CDKAL1: variants seen among roughly 807,000 people sequenced by gnomAD.
The protein encoded by CDKAL1 is threonylcarbamoyladenosine tRNA methylthiotransferase.
Under a neutral mutation model 68.2 loss-of-function variants are expected in CDKAL1, and 32 were observed. The observed-to-expected ratio is 0.47, with a 90% CI of 0.35 to 0.63. CDKAL1 has a LOEUF of 0.63. Ranked by LOEUF, CDKAL1 falls within the 30% of genes least tolerant of loss-of-function variation. The pLI, the probability that CDKAL1 is intolerant of heterozygous loss-of-function variation, is 0.00. For synonymous variants in CDKAL1, 234 were observed against 244.3 expected, an observed-to-expected ratio of 0.96 and a Z score of 0.39; for missense variants, 606 against 696.7, an observed-to-expected ratio of 0.87 and a Z score of 1.47.
intron 1 of CDKAL1, chr6:20,534,942 T>C (rs1388586669): frequency 6.6e-6 from 1 of 152,236 alleles, no homozygotes; most frequent in Admixed American, 6.5e-5. Context: ...CAGAAGTTAT[T>C]GAGAAAAGCA....
chr6:20,787,969 A>T (rs1561778443), intron 8 of CDKAL1, among the ~76,000 whole-genome samples: 1 of 152,184 alleles, frequency 6.6e-6, no homozygotes, highest in Non-Finnish European at 1.5e-5. Flanking sequence ...AAGATTCTTT[A>T]TTCTGTTTTG....
rs1312528668 is a variant in CDKAL1, at chr6:20,569,003, C to T, written c.286+20298C>T. Among the ~76,000 whole-genome samples, 3 of 152,234 alleles carry T rather than the reference C, an allele frequency of 2.0e-5. No individual in the cohort carries two copies. The East Asian group carries it at 5.8e-4, about 29-fold the overall frequency. The stretch of plus-strand genomic sequence containing the variant: ...TTCTTGTATTCAAAGTACCTACCAC[C>T]ATATTTGGCTTATAATAAGCCTCAG... On this transcript the variant is annotated intron_variant, in intron 4 of 15. Coordinates refer to ENST00000274695, the MANE Select transcript of CDKAL1 (RefSeq NM_017774.3).
intron 4 of CDKAL1, among the ~76,000 whole-genome samples, chr6:20,568,746 A>C (rs912399101): frequency 3.7e-5 from 3 of 80,390 alleles, no homozygotes; most frequent in East Asian, 5.2e-4. Flanking sequence ...AAAAAAAAAA[A>C]AAAACAAAAA....
At chr6:20,601,879 T>C (rs1169423520) in intron 4 of CDKAL1, among the ~76,000 whole-genome samples, 2 of 152,168 alleles carry the variant, frequency 1.3e-5, no homozygotes, top group East Asian at 1.9e-4. Flanking sequence ...TCTCTTTCCA[T>C]GTTTATTTGT....
chr6:20,655,155 C>T (rs1440111237), intron 5 of CDKAL1, among the ~76,000 whole-genome samples: 1 of 152,106 alleles, frequency 6.6e-6, no homozygotes, highest in African/African-American at 2.4e-5. Flanking sequence ...CTTATTCTTT[C>T]TTCTTTTGCC....
At chr6:20,609,805 G>A (rs563389341) in intron 4 of CDKAL1, among the ~76,000 whole-genome samples, 6 of 151,730 alleles carry the variant, frequency 4.0e-5, no homozygotes, top group Non-Finnish European at 8.8e-5. Flanking sequence ...TTTACTTCAG[G>A]GGTACAAGTG....
chr6:21,153,003 TTTA>T (rs1218167234), intron 13 of CDKAL1, among the ~76,000 whole-genome samples: 1 of 152,236 alleles, frequency 6.6e-6, no homozygotes, highest in African/African-American at 2.4e-5. Flanking sequence ...TCCTATTCTA[TTTA>T]ATCACCCTAC....
chr6:20,546,579 A>C, intron 3 of CDKAL1, 56 bp downstream of exon 3: 1 of 1,484,690 alleles, frequency 6.7e-7, no homozygotes, highest in Non-Finnish European at 9.2e-7. Flanking sequence ...TTTGAGACAG[A>C]GTCTTGCTCT....
chr6:21,160,961 A>G (rs191028940), intron 13 of CDKAL1, among the ~76,000 whole-genome samples: 1 of 151,554 alleles, frequency 6.6e-6, no homozygotes, highest in Admixed American at 6.6e-5. Context: ...CAGTCAAGAG[A>G]ATAGATCCTG....
At chr6:21,119,949 C>G (rs1197899832) in intron 13 of CDKAL1, among the ~76,000 whole-genome samples, 1 of 152,158 alleles carries the variant, frequency 6.6e-6, no homozygotes, top group East Asian at 1.9e-4. Flanking sequence ...CTCTGTTGTT[C>G]AGGGAAGAGA....
chr6:21,074,412 T>G (rs890091412), intron 12 of CDKAL1, among the ~76,000 whole-genome samples: 2 of 152,216 alleles, frequency 1.3e-5, no homozygotes, highest in Non-Finnish European at 2.9e-5. Flanking sequence ...ACAAGCCTAT[T>G]TCCACATAAG....
intron 13 of CDKAL1, among the ~76,000 whole-genome samples, chr6:21,152,476 C>T (rs1301986221): frequency 1.3e-5 from 2 of 152,160 alleles, no homozygotes; most frequent in East Asian, 3.9e-4. Context: ...ACTGCCACAC[C>T]GATTCAACCA....
chr6:20,566,090 G>C (rs1248938749), intron 4 of CDKAL1, among the ~76,000 whole-genome samples: 1 of 151,892 alleles, frequency 6.6e-6, no homozygotes, highest in African/African-American at 2.4e-5. Context: ...ACATACCCTG[G>C]CTGTCCATAA....
intron 13 of CDKAL1, among the ~76,000 whole-genome samples, chr6:21,118,390 C>G (rs1774527005): frequency 6.6e-6 from 1 of 152,170 alleles, no homozygotes; most frequent in Non-Finnish European, 1.5e-5. Context: ...CCAGGTCTGC[C>G]TTTGTCTTCC....
intron 5 of CDKAL1, among the ~76,000 whole-genome samples, chr6:20,656,315 T>G (rs1267415035): frequency 6.6e-6 from 1 of 152,160 alleles, no homozygotes; most frequent in Non-Finnish European, 1.5e-5. Context: ...CATCCTTAAT[T>G]CAAAATGGTG....
intron 4 of CDKAL1, among the ~76,000 whole-genome samples, chr6:20,565,994 T>G (rs1206125464): frequency 2.0e-5 from 3 of 152,144 alleles, no homozygotes; most frequent in African/African-American, 4.8e-5. Context: ...GATTTTTTTT[T>G]TAAACCCCTT....
At chr6:20,907,371 G>A (rs996954711) in intron 9 of CDKAL1, among the ~76,000 whole-genome samples, 37 of 152,110 alleles carry the variant, frequency 2.4e-4, no homozygotes, top group African/African-American at 6.5e-4. Context: ...GCAGTGAGCC[G>A]AGATTGTGCC....
At chr6:20,559,597 T>G (rs547790463) in intron 4 of CDKAL1, 78 of 152,322 alleles carry the variant, frequency 5.1e-4, no homozygotes, top group African/African-American at 1.8e-3. Flanking sequence ...GCACTTCTTG[T>G]AGCATGTGAG....
At chr6:20,664,918 G>A (rs1769455011) in intron 5 of CDKAL1, among the ~76,000 whole-genome samples, 1 of 152,052 alleles carries the variant, frequency 6.6e-6, no homozygotes, top group South Asian at 2.1e-4. Flanking sequence ...CAGGGCAGAT[G>A]GTGGCCTGAG....
Sources: gnomAD v4.1 joint callset for allele counts (sites outside exome capture counted in the v4.1 genomes callset) on GRCh38, gnomAD v4.1.1 for gene constraint, MANE v1.5 for transcripts, NCBI Gene and HGNC (gene_info 2026-07-23, HGNC 2026-07-21) for gene names.